Variants in WDPCP observed in about 807,000 individuals in gnomAD.
WDPCP encodes WD repeat containing planar cell polarity effector.
WDPCP carries 71 observed loss-of-function variants against 93.1 expected under a neutral mutation model. The observed-to-expected ratio is 0.76, with a 90% confidence interval of 0.63 to 0.93. WDPCP has a LOEUF of 0.93. WDPCP is among the 40% of genes least tolerant of loss of function. WDPCP has a pLI of 0.00. For missense variants in WDPCP, 844 were observed against 887.4 expected (o/e 0.95, Z 0.62); for synonymous variants, 315 against 315.0 (o/e 1.00, Z 0.00).
chr2:63,134,990 G>C (rs1421060725), intron 17 of WDPCP, among the ~76,000 whole-genome samples: 1 of 152,118 alleles, frequency 6.6e-6, no homozygotes, highest in South Asian at 2.1e-4. Context: ...AGGTGTGGTG[G>C]CACGGGCCTG....
At chr2:63,447,806 T>C (rs528640021) in intron 6 of WDPCP, among the ~76,000 whole-genome samples, 299 of 152,176 alleles carry the variant, frequency 2.0e-3, no homozygotes, top group Non-Finnish European at 3.2e-3. Context: ...AAAATATGTA[T>C]AGAGTGATTC....
intron 2 of WDPCP, among the ~76,000 whole-genome samples, chr2:63,757,916 G>A (rs1031745890): frequency 2.6e-5 from 4 of 152,168 alleles, no homozygotes; most frequent in Non-Finnish European, 5.9e-5. Flanking sequence ...TGTAGAGTGA[G>A]CAAGAAATAA....
chr2:63,493,818 T>C (rs954510130), intron 1 of WDPCP, among the ~76,000 whole-genome samples: 4 of 152,134 alleles, frequency 2.6e-5, no homozygotes, highest in Non-Finnish European at 5.9e-5. Flanking sequence ...TAGAAATATA[T>C]ACAATAATTT....
At chr2:63,452,347 T>C (rs1350633273) in intron 6 of WDPCP, among the ~76,000 whole-genome samples, 2 of 152,140 alleles carry the variant, frequency 1.3e-5, no homozygotes, top group Non-Finnish European at 2.9e-5. Context: ...TCACAATTGC[T>C]TCAAAGAGAA....
At chr2:63,452,167 T>C (rs201108291) in intron 6 of WDPCP, among the ~76,000 whole-genome samples, 1 of 152,174 alleles carries the variant, frequency 6.6e-6, no homozygotes, top group Admixed American at 6.5e-5. Context: ...TGTTTGCAGA[T>C]GACATGATTG....
intron 2 of WDPCP, among the ~76,000 whole-genome samples, chr2:63,734,496 A>T (rs755913677): frequency 4.8e-4 from 73 of 152,286 alleles, no homozygotes; most frequent in African/African-American, 1.6e-3. Flanking sequence ...CCAAAAAAAT[A>T]AATTAATTAA....
At chr2:63,732,683 A>G (rs1669579341) in intron 2 of WDPCP, among the ~76,000 whole-genome samples, 1 of 152,206 alleles carries the variant, frequency 6.6e-6, no homozygotes, top group African/African-American at 2.4e-5. Context: ...TTAAGAAATG[A>G]TGGTTCTACA....
At chr2:63,613,421 A>G (rs1007698991) in intron 3 of WDPCP, among the ~76,000 whole-genome samples, 1 of 152,240 alleles carries the variant, frequency 6.6e-6, no homozygotes, top group African/African-American at 2.4e-5. Flanking sequence ...TTCTGTTCTT[A>G]GGCAAGGAGC....
Position 63,440,821 on chromosome 2 carries a change from G to A in WDPCP, c.385-950C>T, listed in dbSNP as rs1697457385. 4.6e-5 allele frequency: 7 copies of A among 152,596 alleles called. No individual in the cohort carries two copies. In the South Asian group the frequency reaches 1.5e-3, roughly 32 times the overall value. The allele number at this position is 152,596 out of a possible 1,614,324, so 9.5% of individuals were successfully genotyped here. A position where few individuals can be genotyped will look rare whatever the true frequency, so the allele number is the denominator to read the frequency against. Reference sequence around the variant, plus strand: ...CACAAACATGCTAGCCAAATTCAAAGACAACTTTGATTTTAAACAAAACAG... The same window carrying A: ...CACAAACATGCTAGCCAAATTCAAAAACAACTTTGATTTTAAACAAAACAG... On this transcript the variant is annotated intron_variant, in intron 6 of 17. Coordinates refer to ENST00000272321, the MANE Select transcript of WDPCP (RefSeq NM_015910.7).
intron 10 of WDPCP, among the ~76,000 whole-genome samples, chr2:63,401,648 T>C (rs1225323837): frequency 6.6e-6 from 1 of 151,924 alleles, no homozygotes; most frequent in Non-Finnish European, 1.5e-5. Flanking sequence ...CTACTAAAAA[T>C]ACAAAAATTA....
intron 2 of WDPCP, among the ~76,000 whole-genome samples, chr2:63,682,106 C>T (rs1385146709): frequency 1.3e-5 from 2 of 152,194 alleles, no homozygotes; most frequent in African/African-American, 2.4e-5. Flanking sequence ...AAAACAAATA[C>T]CTAACTCTTC....
chr2:63,352,964 C>A (rs541812663), intron 12 of WDPCP, among the ~76,000 whole-genome samples: 1 of 152,142 alleles, frequency 6.6e-6, no homozygotes, highest in African/African-American at 2.4e-5. Flanking sequence ...TAGTAAAGTC[C>A]TTTTTTAAAA....
intron 2 of WDPCP, among the ~76,000 whole-genome samples, chr2:63,693,836 A>G (rs1176493512): frequency 1.3e-5 from 2 of 152,192 alleles, no homozygotes; most frequent in Non-Finnish European, 2.9e-5. Context: ...TGAAAATACT[A>G]TTAGAGTTGT....
intron 2 of WDPCP, among the ~76,000 whole-genome samples, chr2:63,808,603 C>T (rs1049698684): frequency 2.6e-5 from 4 of 152,220 alleles, no homozygotes; most frequent in African/African-American, 9.6e-5. Flanking sequence ...CTCGGCCTCC[C>T]GAGGTGCCGG....
At chr2:63,700,218 G>A (rs1030556121) in intron 2 of WDPCP, among the ~76,000 whole-genome samples, 3 of 148,402 alleles carry the variant, frequency 2.0e-5, no homozygotes, top group South Asian at 4.3e-4. Flanking sequence ...GGGAGGTCAA[G>A]GCTGCAGTGA....
chr2:63,644,769 C>T (rs1710029368), intron 3 of WDPCP, among the ~76,000 whole-genome samples: 1 of 152,098 alleles, frequency 6.6e-6, no homozygotes, highest in African/African-American at 2.4e-5. Flanking sequence ...TTGTCCATTT[C>T]TTCTAGATTT....
intron 14 of WDPCP, among the ~76,000 whole-genome samples, chr2:63,256,968 T>C (rs893294864): frequency 1.3e-5 from 2 of 152,268 alleles, no homozygotes; most frequent in South Asian, 2.1e-4. Context: ...TGGTAACATA[T>C]GTTACTTGGT....
At chr2:63,738,825 C>T (rs1050862132) in intron 2 of WDPCP, among the ~76,000 whole-genome samples, 12 of 152,008 alleles carry the variant, frequency 7.9e-5, no homozygotes, top group Non-Finnish European at 4.4e-5. Flanking sequence ...CATGTAACTA[C>T]CACCTAGAGC....
chr2:63,284,458 T>C (rs1401766506), intron 13 of WDPCP, among the ~76,000 whole-genome samples: 1 of 152,260 alleles, frequency 6.6e-6, no homozygotes, highest in African/African-American at 2.4e-5. Context: ...CCTTATTATG[T>C]TGAGAACTTG....
Sources: allele counts gnomAD v4.1 joint callset (sites outside exome capture counted in the v4.1 genomes callset), GRCh38; gene constraint gnomAD v4.1.1; transcripts MANE v1.5; gene names NCBI Gene and HGNC (gene_info 2026-07-23, HGNC 2026-07-21).